Variants in HMBOX1 observed in about 807,000 individuals in gnomAD.
HMBOX1 encodes homeobox-containing protein 1.
Under a neutral mutation model 54.5 loss-of-function variants are expected in HMBOX1, and 14 were observed. The ratio of observed to expected loss-of-function variants is 0.26; its 90% CI spans 0.17 to 0.40. The LOEUF (loss-of-function observed/expected upper bound fraction) is 0.40, where lower values mean the gene tolerates loss of function less well. HMBOX1 is among the 10% of genes least tolerant of loss of function. The probability of loss-of-function intolerance (pLI) is 1.00; values close to 1 mark genes in which losing one functional copy is unlikely to be tolerated. For missense variants in HMBOX1, 332 were observed against 514.4 expected (o/e 0.65, Z 3.43); for synonymous variants, 160 against 181.0 (o/e 0.88, Z 0.93).
At chr8:29,007,653 C>T (rs1267105351) in intron 4 of HMBOX1, among the ~76,000 whole-genome samples, 1 of 152,036 alleles carries the variant, frequency 6.6e-6, no homozygotes, top group Non-Finnish European at 1.5e-5. Context: ...CCTGTCTCTA[C>T]AGAAAAAATA....
intron 1 of HMBOX1, among the ~76,000 whole-genome samples, chr8:28,895,482 C>T (rs1022258233): frequency 1.3e-5 from 2 of 152,130 alleles, no homozygotes; most frequent in African/African-American, 2.4e-5. Context: ...CGAGACCAGT[C>T]TGGCCAACAT....
chr8:28,963,146 G>A (rs935516445), intron 1 of HMBOX1, among the ~76,000 whole-genome samples: 8 of 152,004 alleles, frequency 5.3e-5, no homozygotes, highest in Middle Eastern at 3.2e-3. Flanking sequence ...CACCACCCCC[G>A]GCTAATTTTG....
At chr8:29,036,878 C>T (rs4732899) in intron 6 of HMBOX1, among the ~76,000 whole-genome samples, 65,276 of 151,956 alleles carry the variant, frequency 0.43, 15,350 homozygotes, top group Non-Finnish European at 0.53. Context: ...AATAAAGAAG[C>T]TTTCAGCTTA....
intron 6 of HMBOX1, among the ~76,000 whole-genome samples, chr8:29,025,003 A>G (rs1436369455): frequency 2.0e-5 from 3 of 152,134 alleles, no homozygotes; most frequent in Non-Finnish European, 4.4e-5. Flanking sequence ...GTCTTCCACG[A>G]AACTGGCCTC....
chr8:28,905,798 T>C (rs1814211582), intron 1 of HMBOX1, among the ~76,000 whole-genome samples: 1 of 152,232 alleles, frequency 6.6e-6, no homozygotes, highest in Non-Finnish European at 1.5e-5. Context: ...TATGGGCCTT[T>C]ATATACTAAG....
chr8:29,048,113 C>T (rs141271589), intron 8 of HMBOX1, among the ~76,000 whole-genome samples: 2,670 of 152,184 alleles, frequency 0.018, 29 homozygotes, highest in Middle Eastern at 0.041. Flanking sequence ...AGAATTTCTT[C>T]ATTATTACTG....
At chr8:28,916,741 G>A (rs1405524999) in intron 1 of HMBOX1, among the ~76,000 whole-genome samples, 4 of 151,920 alleles carry the variant, frequency 2.6e-5, no homozygotes, top group Non-Finnish European at 4.4e-5. Flanking sequence ...CAGTTAATAT[G>A]AGTCTTCCAA....
intron 1 of HMBOX1, among the ~76,000 whole-genome samples, chr8:28,927,831 CAAAAAAAAAAAA>C (rs34952149): frequency 3.8e-5 from 2 of 52,756 alleles, no homozygotes; most frequent in East Asian, 6.4e-4. Context: ...AACTCAGTCT[CAAAAAAAAAAAA>C]AAAAAAAAAA....
chr8:28,983,941 G>A (rs1162093755), intron 4 of HMBOX1, among the ~76,000 whole-genome samples: 1 of 152,074 alleles, frequency 6.6e-6, no homozygotes, highest in African/African-American at 2.4e-5. Context: ...GTGTATTATT[G>A]TGTTACATTT....
intron 1 of HMBOX1, among the ~76,000 whole-genome samples, chr8:28,939,600 C>A (rs533077414): frequency 8.9e-4 from 136 of 152,016 alleles, no homozygotes; most frequent in African/African-American, 2.6e-3. Context: ...CTCCGCCCCC[C>A]CTGGGTTCAA....
At chr8:28,973,447 T>C (rs1159464089) in intron 3 of HMBOX1, among the ~76,000 whole-genome samples, 1 of 152,168 alleles carries the variant, frequency 6.6e-6, no homozygotes, top group Non-Finnish European at 1.5e-5. Context: ...CACATCCCCC[T>C]CCCCCATGAT....
intron 3 of HMBOX1, among the ~76,000 whole-genome samples, chr8:28,975,937 T>TAAAGAAGGCTG (rs1828282775): frequency 1.3e-5 from 2 of 152,140 alleles, no homozygotes; most frequent in Non-Finnish European, 2.9e-5. Flanking sequence ...AGCAGGTCCT[T>TAAAGAAGGCTG]AAAGAAGGCT....
At chr8:28,910,838 T>G (rs577439060) in intron 1 of HMBOX1, among the ~76,000 whole-genome samples, 2 of 152,348 alleles carry the variant, frequency 1.3e-5, no homozygotes, top group East Asian at 3.9e-4. Flanking sequence ...CTTACTGATT[T>G]GTTTTGAAAG....
intron 3 of HMBOX1, among the ~76,000 whole-genome samples, chr8:28,976,911 G>A (rs1486272505): frequency 6.6e-6 from 1 of 151,914 alleles, no homozygotes; most frequent in African/African-American, 2.4e-5. Context: ...GTCTCATCAT[G>A]TTGGCCAGGC....
rs1244554713 is a variant in HMBOX1 at position 28,970,361 on chromosome 8, C to G, written c.342C>G (p.Thr114=). ...SYDTSPQPCT[T]NQNGRENNER... ...ATACTTCCCCACAGCCTTGCACTAC[C>G]AATCAAAATGGGAGGGAGAATAATG... Residue 114 remains threonine (T), a synonymous_variant, in exon 3 of 10, where the codon ACC becomes ACG. Transcript: ENST00000287701. This position sits in a 1 kb window ranked among gnomAD's most constrained non-coding sequence, Gnocchi z 4.3. 6.2e-7 allele frequency: 1 copy of G among 1,614,154 alleles called. No individual in the cohort carries two copies. Among genetic ancestry groups the G allele is most frequent in the South Asian group, 1.1e-5 (1 of 91,084 alleles).
At chr8:28,982,647 T>C (rs28558218) in intron 4 of HMBOX1, among the ~76,000 whole-genome samples, 101 of 150,412 alleles carry the variant, frequency 6.7e-4, no homozygotes, top group African/African-American at 2.3e-3. Context: ...TTTTTTTGAG[T>C]TGGAGTCTTG....
At chr8:29,027,454 T>A (rs1021617454) in intron 6 of HMBOX1, among the ~76,000 whole-genome samples, 2 of 152,204 alleles carry the variant, frequency 1.3e-5, no homozygotes, top group Admixed American at 1.3e-4. Flanking sequence ...TCTTTCAGCA[T>A]TTTGGGCTAC....
At position 29,051,296 on chromosome 8, in the gene HMBOX1, A is replaced by AGATGGCATGG. The variant is rs752492344; in HGVS notation, c.*142_*151dup. 4.5e-5 allele frequency: 39 copies of AGATGGCATGG among 864,808 alleles called. No individual in the cohort carries two copies. The highest frequency in any genetic ancestry group is 6.6e-5 in the Non-Finnish European group (37 of 560,030). The allele number at this position is 864,808 out of a possible 1,614,324, so 53.6% of individuals were successfully genotyped here. On this transcript the variant is annotated 3_prime_UTR_variant, in exon 10 of 10. Transcript: ENST00000287701. ...TAGCTGTTAGGGTCTTGTTCTGTGA[A>AGATGGCATGG]GATGGCATGGTGCCCTCAGCCTTTG...
At chr8:28,912,232 C>G (rs963978527) in intron 1 of HMBOX1, among the ~76,000 whole-genome samples, 8 of 152,130 alleles carry the variant, frequency 5.3e-5, no homozygotes, top group African/African-American at 1.4e-4. Flanking sequence ...TGTGACCTTA[C>G]GCTAAGTTGA....
Sources: allele counts gnomAD v4.1 joint callset (sites outside exome capture counted in the v4.1 genomes callset), GRCh38; gene constraint gnomAD v4.1.1; non-coding constraint Gnocchi (gnomAD v3.1); transcripts MANE v1.5; gene names NCBI Gene and HGNC (gene_info 2026-07-23, HGNC 2026-07-21).